The following KALRN variants were observed in gnomAD, a reference collection of about 807,000 sequenced individuals.
The protein encoded by KALRN is kalirin RhoGEF kinase.
KALRN carries 70 observed loss-of-function variants against 353.7 expected under a neutral mutation model. The observed-to-expected ratio is 0.20, with a 90% CI of 0.16 to 0.24. The LOEUF is 0.24. Ranked by LOEUF, KALRN falls within the 10% of genes least tolerant of loss-of-function variation. The pLI is 1.00. For missense variants in KALRN, 2,791 were observed against 3,756.7 expected (o/e 0.74, Z 6.72); for synonymous variants, 1,391 against 1,434.8 (o/e 0.97, Z 0.69).
At chr3:124,147,753 A>C (rs895329755) in intron 1 of KALRN, among the ~76,000 whole-genome samples, 3 of 152,200 alleles carry the variant, frequency 2.0e-5, no homozygotes, top group Non-Finnish European at 2.9e-5. Context: ...TGTATCTGGA[A>C]GAGGGAGAGG....
intron 1 of KALRN, among the ~76,000 whole-genome samples, chr3:124,086,013 T>C (rs952836119): frequency 1.4e-4 from 22 of 152,218 alleles, no homozygotes; most frequent in African/African-American, 5.1e-4. Context: ...AACCCTTTCA[T>C]GTTACTACAT....
intron 8 of KALRN, among the ~76,000 whole-genome samples, chr3:124,330,513 CA>C (rs1266690324): frequency 6.6e-6 from 1 of 152,044 alleles, no homozygotes; most frequent in East Asian, 1.9e-4. Context: ...TAAGTGTTTG[CA>C]GGAGTAAGAA....
At chr3:124,528,374 A>G (rs1313205129) in intron 33 of KALRN, among the ~76,000 whole-genome samples, 2 of 152,228 alleles carry the variant, frequency 1.3e-5, no homozygotes, top group Non-Finnish European at 2.9e-5. Context: ...AGGTATGTTC[A>G]ACCTAGATCT....
intron 33 of KALRN, among the ~76,000 whole-genome samples, chr3:124,556,715 T>G (rs374607678): frequency 5.9e-5 from 9 of 152,270 alleles, no homozygotes; most frequent in East Asian, 3.8e-4. Flanking sequence ...AGATTGTTAT[T>G]GTTGATGTTA....
At chr3:124,078,446 G>A (rs1357441233) in intron 1 of KALRN, among the ~76,000 whole-genome samples, 1 of 152,180 alleles carries the variant, frequency 6.6e-6, no homozygotes, top group East Asian at 1.9e-4. Context: ...AGTGGTAAAT[G>A]CATCAGGTAC....
chr3:124,309,175 C>T (rs1259043501), intron 6 of KALRN, among the ~76,000 whole-genome samples: 2 of 151,796 alleles, frequency 1.3e-5, no homozygotes, highest in Non-Finnish European at 2.9e-5. Flanking sequence ...CAAAGAAAAG[C>T]CCAGGCCCAG....
intron 33 of KALRN, among the ~76,000 whole-genome samples, chr3:124,552,048 G>T (rs916671587): frequency 2.6e-5 from 4 of 152,156 alleles, no homozygotes; most frequent in Non-Finnish European, 5.9e-5. Flanking sequence ...ATCTATGAGG[G>T]TCAGATGATG....
chr3:124,426,006 A>C (rs1438308752), intron 15 of KALRN, among the ~76,000 whole-genome samples: 6 of 152,216 alleles, frequency 3.9e-5, no homozygotes, highest in African/African-American at 1.4e-4. Context: ...ACTGTCGTTC[A>C]AGACTGTACA....
chr3:124,383,732 A>G (rs1280499277), intron 10 of KALRN, among the ~76,000 whole-genome samples: 1 of 152,174 alleles, frequency 6.6e-6, no homozygotes, highest in Non-Finnish European at 1.5e-5. Flanking sequence ...GGAGTTCAAC[A>G]TGTGAATTTG....
intron 10 of KALRN, among the ~76,000 whole-genome samples, chr3:124,370,724 A>T (rs1394323454): frequency 2.0e-5 from 3 of 152,042 alleles, no homozygotes; most frequent in Non-Finnish European, 4.4e-5. Context: ...TAAAAACTCT[A>T]CTCTTGTCTG....
intron 1 of KALRN, among the ~76,000 whole-genome samples, chr3:124,180,653 C>G (rs2073442147): frequency 6.6e-6 from 1 of 152,138 alleles, no homozygotes; most frequent in South Asian, 2.1e-4. Flanking sequence ...TGAGGATTCA[C>G]TACAGCAACA....
chr3:124,277,437 G>T (rs753790803), intron 5 of KALRN, among the ~76,000 whole-genome samples: 12 of 152,136 alleles, frequency 7.9e-5, no homozygotes, highest in Admixed American at 1.3e-4. Context: ...ACAGAACACA[G>T]TGTCCTGTAT....
chr3:124,574,713 C>T (rs1554036220), intron 34 of KALRN, among the ~76,000 whole-genome samples: 1 of 152,182 alleles, frequency 6.6e-6, no homozygotes, highest in Non-Finnish European at 1.5e-5. Context: ...TGAACACTTT[C>T]CCCCTAGAAG....
At chr3:124,291,943 C>G (rs563747024) in intron 5 of KALRN, among the ~76,000 whole-genome samples, 2 of 152,212 alleles carry the variant, frequency 1.3e-5, no homozygotes, top group South Asian at 2.1e-4. Flanking sequence ...CTGCCTCCCC[C>G]GTCTGTAGAT....
At chr3:124,292,917 C>T (rs910786277) in intron 5 of KALRN, among the ~76,000 whole-genome samples, 1 of 152,094 alleles carries the variant, frequency 6.6e-6, no homozygotes, top group Admixed American at 6.5e-5. Context: ...AATTATTACC[C>T]ACATTTTATA....
At chr3:124,690,214 A>C (rs981602148) in intron 51 of KALRN, among the ~76,000 whole-genome samples, 2 of 152,218 alleles carry the variant, frequency 1.3e-5, no homozygotes, top group African/African-American at 4.8e-5. Context: ...AAGAATATAA[A>C]TAAAAAGTAA....
rs750084436 is a variant in KALRN at position 124,658,423 on chromosome 3, T to G, written c.6037-8T>G. The G allele has an allele frequency of 6.2e-7, 1 of 1,607,766 alleles. No homozygotes were observed. The highest frequency in any genetic ancestry group is 2.2e-5 in the East Asian group (1 of 44,846). On this transcript the variant is annotated splice_region_variant and splice_polypyrimidine_tract_variant and intron_variant, in intron 41 of 59. Coordinates refer to ENST00000682506, the MANE Select transcript of KALRN (RefSeq NM_001388419.1). ...TGACTGTCCACATGTCTCTCTCTGC[T>G]CTTTCAGGAGCGGAAGCTGCACATC...
chr3:124,040,901 A>G (rs2039895865), intron 1 of KALRN, among the ~76,000 whole-genome samples: 1 of 152,244 alleles, frequency 6.6e-6, no homozygotes, highest in African/African-American at 2.4e-5. Flanking sequence ...ATGGGATGCA[A>G]GAGGGTGCCA....
chr3:124,685,991 A>G (rs555693583), intron 51 of KALRN, among the ~76,000 whole-genome samples: 2 of 152,296 alleles, frequency 1.3e-5, no homozygotes, highest in Non-Finnish European at 2.9e-5. Flanking sequence ...AGTCAGTTCA[A>G]TTTCACACAA....
Sources: allele counts gnomAD v4.1 joint callset (sites outside exome capture counted in the v4.1 genomes callset), GRCh38; gene constraint gnomAD v4.1.1; transcripts MANE v1.5; gene names NCBI Gene and HGNC (gene_info 2026-07-23, HGNC 2026-07-21).